The following TOM1L1 variants were observed in gnomAD, a reference collection of about 807,000 sequenced individuals.
TOM1L1 encodes the protein TOM1-like protein 1.
TOM1L1 carries 64 observed loss-of-function variants against 63.4 expected under a neutral mutation model. The observed-to-expected ratio is 1.01, with a 90% CI of 0.83 to 1.24. The LOEUF is 1.24. Ranked by LOEUF, TOM1L1 falls within the 50% of genes most tolerant of loss-of-function variation. The probability of loss-of-function intolerance (pLI) is 0.00; values close to 1 mark genes in which losing one functional copy is unlikely to be tolerated. For synonymous variants in TOM1L1, 166 were observed against 194.4 expected (o/e 0.85, Z 1.22); for missense variants, 536 against 567.0 (o/e 0.95, Z 0.55).
At chr17:54,942,005 A>G (rs1308452184) in intron 11 of TOM1L1, among the ~76,000 whole-genome samples, 2 of 152,212 alleles carry the variant, frequency 1.3e-5, no homozygotes, top group Non-Finnish European at 2.9e-5. Flanking sequence ...TTGCAGTTTA[A>G]TTTATTCACC....
Position 54,930,218 on chromosome 17 carries a change from A to G in TOM1L1, c.854+12A>G. 6.2e-7 allele frequency: 1 copy of G among 1,613,992 alleles called. No individual in the cohort carries two copies. Among genetic ancestry groups the G allele is most frequent in the Non-Finnish European group, 8.5e-7 (1 of 1,179,914 alleles). On this transcript the variant is annotated intron_variant, in intron 8 of 15. Coordinates refer to ENST00000575882, the MANE Select transcript of TOM1L1 (RefSeq NM_005486.3). ...CTTGGATATGAGAGGTGAGCAGATCATGTACCCTCTTTACCCCTCTTCCAT... is the reference window on the plus strand; with the variant it reads ...CTTGGATATGAGAGGTGAGCAGATCGTGTACCCTCTTTACCCCTCTTCCAT...
intron 11 of TOM1L1, among the ~76,000 whole-genome samples, chr17:54,945,189 C>T (rs1413978991): frequency 2.6e-5 from 4 of 152,176 alleles, no homozygotes; most frequent in Non-Finnish European, 4.4e-5. Flanking sequence ...AAATCTCCCT[C>T]TGCCTTTCTA....
chr17:54,923,988 A>G (rs1054198317), intron 7 of TOM1L1, among the ~76,000 whole-genome samples: 1 of 152,166 alleles, frequency 6.6e-6, no homozygotes, highest in African/African-American at 2.4e-5. Flanking sequence ...TTGTCAAAAA[A>G]TAAAATAAAA....
At position 54,961,753 on chromosome 17, in the gene TOM1L1, A is replaced by G; in HGVS notation, c.*520A>G. 9 of 1,014,266 alleles carry G rather than the reference A, an allele frequency of 8.9e-6. No individual in the cohort carries two copies. The highest frequency in any genetic ancestry group is 1.1e-5 in the Non-Finnish European group (9 of 848,458). 62.8% of individuals were successfully genotyped at this position (1,014,266 alleles called of 1,614,324 possible). On this transcript the variant is annotated 3_prime_UTR_variant, in exon 16 of 16. Coordinates refer to ENST00000575882, the MANE Select transcript of TOM1L1 (RefSeq NM_005486.3). ...AATTATAAATTGTTAAAACCTTGAT[A>G]ATTGTCATTTAATTATATTTCAGGT...
At chr17:54,938,306 C>A (rs947872861) in intron 10 of TOM1L1, among the ~76,000 whole-genome samples, 1 of 151,874 alleles carries the variant, frequency 6.6e-6, no homozygotes, top group Admixed American at 6.6e-5. Flanking sequence ...CCAGCCTGGC[C>A]AACATGGCAA....
chr17:54,933,866 A>G (rs2048904907), intron 8 of TOM1L1, among the ~76,000 whole-genome samples: 1 of 152,192 alleles, frequency 6.6e-6, no homozygotes, highest in African/African-American at 2.4e-5. Flanking sequence ...TGAGACATCA[A>G]TCAATATGTG....
chr17:54,914,619 A>C lies in TOM1L1; in HGVS notation c.499-20A>C, dbSNP rs543379988. On this transcript the variant is annotated intron_variant, in intron 5 of 15. Transcript: ENST00000575882. Reference sequence around the variant, plus strand: ...CTATGTTAATTCACATAATAATATTACCATGTTTCATACTCATAGACTGCT... The same window carrying C: ...CTATGTTAATTCACATAATAATATTCCCATGTTTCATACTCATAGACTGCT... The C allele has an allele frequency of 6.3e-6, 10 of 1,587,368 alleles. No individual in the cohort carries two copies. In the African/African-American group the frequency reaches 1.3e-4, roughly 21 times the overall value.
At chr17:54,936,998 C>G in intron 9 of TOM1L1, 111 bp from the exon 10 acceptor site, 1 of 928,400 alleles carries the variant, frequency 1.1e-6, no homozygotes, top group Non-Finnish European at 1.7e-6. Context: ...GTGGAGAATT[C>G]TTCCTTAAAA....
intron 1 of TOM1L1, 157 bp from the exon 2 acceptor site, chr17:54,903,551 T>C (rs1231883358): frequency 9.0e-6 from 6 of 667,174 alleles, no homozygotes; most frequent in African/African-American, 1.8e-5. Context: ...TCTGATTGAT[T>C]CCTGAATTAC....
chr17:54,948,306 T>C (rs2049153625), intron 12 of TOM1L1, among the ~76,000 whole-genome samples: 1 of 152,122 alleles, frequency 6.6e-6, no homozygotes, highest in Non-Finnish European at 1.5e-5. Context: ...AGTCATATTA[T>C]GTCACTCATT....
At chr17:54,937,418 G>T (rs1051676530) in intron 10 of TOM1L1, 192 bp downstream of exon 10, 2 of 562,744 alleles carry the variant, frequency 3.6e-6, no homozygotes, top group Non-Finnish European at 6.3e-6. Flanking sequence ...GATGTGTCTG[G>T]GCGAGGAGGT....
chr17:54,948,734 A>G (rs1403790270), intron 12 of TOM1L1, among the ~76,000 whole-genome samples: 2 of 152,262 alleles, frequency 1.3e-5, no homozygotes, highest in East Asian at 3.8e-4. Context: ...AGTGCCTGGC[A>G]GCTGGTAGGT....
At chr17:54,951,624 C>T (rs1338198102) in intron 14 of TOM1L1, among the ~76,000 whole-genome samples, 1 of 152,198 alleles carries the variant, frequency 6.6e-6, no homozygotes, top group Non-Finnish European at 1.5e-5. Flanking sequence ...GAGCCAGGAA[C>T]CTTAGACAAA....
intron 14 of TOM1L1, 80 bp downstream of exon 14, chr17:54,950,206 A>G: frequency 9.0e-7 from 1 of 1,110,312 alleles, no homozygotes; most frequent in Non-Finnish European, 1.3e-6. Context: ...TTGGTTATAC[A>G]TTTAACTTTG....
intron 14 of TOM1L1, chr17:54,958,281 T>C (rs1300822300): frequency 2.0e-5 from 3 of 152,224 alleles, no homozygotes; most frequent in African/African-American, 7.2e-5. Flanking sequence ...AACTAGATAA[T>C]GGATTGGAGA....
At chr17:54,955,807 A>G (rs995183359) in intron 14 of TOM1L1, among the ~76,000 whole-genome samples, 2 of 152,220 alleles carry the variant, frequency 1.3e-5, no homozygotes, top group African/African-American at 4.8e-5. Context: ...CTCTTTTAGT[A>G]GTTCATGGAG....
intron 7 of TOM1L1, among the ~76,000 whole-genome samples, chr17:54,922,919 A>G (rs1461513497): frequency 1.3e-5 from 2 of 152,210 alleles, no homozygotes; most frequent in Non-Finnish European, 2.9e-5. Context: ...TCTGCCTTTC[A>G]TCAGTTCCAG....
In TOM1L1 at chr17:54,950,125, G is replaced by C; in HGVS notation, c.1369G>C (p.Glu457Gln). ...TCCCTTAGCTCCTGCTGTCACTACA[G>C]AGTAAGTCATTTACAAAATGATTAA... ...FDPLAPAVTT[E>Q]AIYEEIDAHQ... Residue 457 changes from glutamate (E) to glutamine (Q), a missense_variant and splice_region_variant, in exon 14 of 16, where the codon GAA (glutamate) becomes CAA (glutamine). Physicochemically the swap from Glu to Gln is conservative, Grantham distance 29. Transcript: ENST00000575882. 2 of 1,607,922 alleles carry C rather than the reference G, an allele frequency of 1.2e-6. No individual in the cohort carries two copies. Among genetic ancestry groups the C allele is most frequent in the Admixed American group, 1.7e-5 (1 of 59,762 alleles).
chr17:54,938,350 C>T (rs540239069), intron 10 of TOM1L1, among the ~76,000 whole-genome samples: 6 of 151,928 alleles, frequency 3.9e-5, no homozygotes, highest in South Asian at 2.1e-4. Flanking sequence ...AAAAATTAGC[C>T]GGGAGTGGTG....
Sources: allele counts gnomAD v4.1 joint callset (sites outside exome capture counted in the v4.1 genomes callset), GRCh38; gene constraint gnomAD v4.1.1; transcripts MANE v1.5; gene names NCBI Gene and HGNC (gene_info 2026-07-23, HGNC 2026-07-21).